The following RPS6KC1 variants were observed in gnomAD, a reference collection of about 807,000 sequenced individuals.
RPS6KC1 encodes inactive ribosomal protein S6 kinase delta-1.
A neutral mutation model predicts 103.8 loss-of-function variants in RPS6KC1; 54 were observed. The ratio of observed to expected loss-of-function variants is 0.52; its 90% confidence interval spans 0.42 to 0.65. RPS6KC1 has a LOEUF of 0.65. Ranked by LOEUF, RPS6KC1 falls within the 30% of genes least tolerant of loss-of-function variation. The probability of loss-of-function intolerance (pLI) is 0.00; values close to 1 mark genes in which losing one functional copy is unlikely to be tolerated. For synonymous variants in RPS6KC1, 439 were observed against 438.7 expected (o/e 1.00, Z -0.01); for missense variants, 1,151 against 1,253.8 (o/e 0.92, Z 1.24).
chr1:213,319,719 T>G, the RPS6KC1 span, among the ~76,000 whole-genome samples: 1 of 152,164 alleles, frequency 6.6e-6, no homozygotes, highest in Non-Finnish European at 1.5e-5. Flanking sequence ...TATGGAACTT[T>G]GCTCTGCATC....
chr1:213,569,526 C>T, the RPS6KC1 span, among the ~76,000 whole-genome samples: 1 of 152,050 alleles, frequency 6.6e-6, no homozygotes, highest in African/African-American at 2.4e-5. Flanking sequence ...CATAAGTCAC[C>T]TGTACTCATT....
intron 1 of RPS6KC1, among the ~76,000 whole-genome samples, chr1:213,055,623 G>A (rs973982806): frequency 2.0e-5 from 3 of 152,078 alleles, no homozygotes; most frequent in Admixed American, 6.5e-5. Context: ...TTGAAATCAG[G>A]TAGTCTAAGT....
intron 1 of RPS6KC1, among the ~76,000 whole-genome samples, chr1:213,056,782 G>T (rs1189708165): frequency 1.3e-5 from 2 of 151,464 alleles, no homozygotes; most frequent in African/African-American, 4.8e-5. Flanking sequence ...TTCTCTGTCT[G>T]GAATACTCTT....
chr1:213,629,199 T>G, the RPS6KC1 span, among the ~76,000 whole-genome samples: 3 of 152,134 alleles, frequency 2.0e-5, no homozygotes, highest in East Asian at 5.8e-4. Flanking sequence ...AGTCTCCCAT[T>G]ATTAATGTGT....
chr1:213,833,281 T>G, the RPS6KC1 span, among the ~76,000 whole-genome samples: 1 of 152,186 alleles, frequency 6.6e-6, no homozygotes, highest in Non-Finnish European at 1.5e-5. Context: ...GAAGTGCTAC[T>G]GTGGGCCAGG....
the RPS6KC1 span, among the ~76,000 whole-genome samples, chr1:213,744,473 C>G: frequency 6.6e-6 from 1 of 152,118 alleles, no homozygotes; most frequent in Non-Finnish European, 1.5e-5. Context: ...AAAATATTGT[C>G]CCCCCATGGG....
At chr1:213,258,819 G>C (rs997839080) in intron 12 of RPS6KC1, among the ~76,000 whole-genome samples, 1 of 152,150 alleles carries the variant, frequency 6.6e-6, no homozygotes, top group African/African-American at 2.4e-5. Context: ...AAGTCTAAGA[G>C]TACACTTCCA....
rs957079277 is a variant in RPS6KC1 at position 213,157,396 on chromosome 1, A to G, written c.836-10462A>G. The stretch of plus-strand genomic sequence containing the variant: ...TAATTTTTTTATGTTTTTAGTAGAG[A>G]CGGGGTTTCACCGTGTTAGCCAGGA... On this transcript the variant is annotated intron_variant, in intron 6 of 14. Coordinates refer to ENST00000366960, the MANE Select transcript of RPS6KC1 (RefSeq NM_012424.6). Among the ~76,000 whole-genome samples, 6 of 151,588 alleles carry G rather than the reference A, an allele frequency of 4.0e-5. No homozygotes were observed. The East Asian group carries it at 1.2e-3, about 29-fold the overall frequency.
At chr1:213,689,805 A>G in the RPS6KC1 span, among the ~76,000 whole-genome samples, 1 of 152,244 alleles carries the variant, frequency 6.6e-6, no homozygotes, top group Non-Finnish European at 1.5e-5. Context: ...CATTTTAAAC[A>G]GACTTCTAAA....
chr1:213,598,285 T>A, the RPS6KC1 span, among the ~76,000 whole-genome samples: 1 of 152,116 alleles, frequency 6.6e-6, no homozygotes. Flanking sequence ...GTTAAAAGAG[T>A]ACACAACCTT....
At chr1:213,510,183 C>G in the RPS6KC1 span, among the ~76,000 whole-genome samples, 1 of 152,292 alleles carries the variant, frequency 6.6e-6, no homozygotes, top group East Asian at 1.9e-4. Flanking sequence ...CAATTGCATG[C>G]TCTGTTGTCT....
At chr1:213,119,645 G>T (rs1207585269) in intron 5 of RPS6KC1, among the ~76,000 whole-genome samples, 1 of 151,722 alleles carries the variant, frequency 6.6e-6, no homozygotes, top group African/African-American at 2.4e-5. Context: ...CTAGGTGGGA[G>T]TCAACCATGG....
chr1:213,502,439 C>T, the RPS6KC1 span, among the ~76,000 whole-genome samples: 3 of 151,964 alleles, frequency 2.0e-5, no homozygotes, highest in African/African-American at 7.2e-5. Flanking sequence ...ATAAAATGGA[C>T]AATTACTTTA....
the RPS6KC1 span, among the ~76,000 whole-genome samples, chr1:213,457,328 G>A: frequency 6.6e-5 from 10 of 152,244 alleles, no homozygotes; most frequent in African/African-American, 2.4e-4. Flanking sequence ...GCTCTCTGGG[G>A]ATTCCATGCC....
Position 213,176,015 on chromosome 1 carries a change from C to T in RPS6KC1, c.952-385C>T, listed in dbSNP as rs2091839148. On this transcript the variant is annotated intron_variant, in intron 7 of 14. Transcript: ENST00000366960. ...TTTTAGTTCCCCCACTTCCAAATTA[C>T]TCTTGAGGTGTCTGGGTTAAATATA... is the stretch of plus-strand genomic sequence containing the variant. Among the ~76,000 whole-genome samples, 3 of 152,228 alleles carry T rather than the reference C, an allele frequency of 2.0e-5. No homozygotes were observed. The South Asian group carries it at 6.2e-4, about 32-fold the overall frequency.
intron 6 of RPS6KC1, among the ~76,000 whole-genome samples, chr1:213,157,799 G>A (rs562849099): frequency 1.4e-3 from 218 of 152,230 alleles, no homozygotes; most frequent in African/African-American, 5.0e-3. Flanking sequence ...TTGTTGAATT[G>A]TCTGTTTCCT....
chr1:213,843,244 C>A, the RPS6KC1 span, among the ~76,000 whole-genome samples: 1 of 152,160 alleles, frequency 6.6e-6, no homozygotes, highest in Non-Finnish European at 1.5e-5. Context: ...AAATGTTAAT[C>A]ACATCCAAAA....
chr1:213,572,095 C>G, the RPS6KC1 span, among the ~76,000 whole-genome samples: 2 of 152,150 alleles, frequency 1.3e-5, no homozygotes, highest in African/African-American at 4.8e-5. Flanking sequence ...AGAGGCAAGA[C>G]AAAATCAGGA....
At chr1:213,442,920 A>G in the RPS6KC1 span, among the ~76,000 whole-genome samples, 1 of 149,602 alleles carries the variant, frequency 6.7e-6, no homozygotes, top group Non-Finnish European at 1.5e-5. Flanking sequence ...AGGAGTGGGC[A>G]CCCAAAACCT....
Sources: gnomAD v4.1 joint callset for allele counts (sites outside exome capture counted in the v4.1 genomes callset) on GRCh38, gnomAD v4.1.1 for gene constraint, MANE v1.5 for transcripts, NCBI Gene and HGNC (gene_info 2026-07-23, HGNC 2026-07-21) for gene names.